EML5: variants seen among roughly 807,000 people sequenced by gnomAD.
EML5 encodes the protein EMAP like 5.
Under a neutral mutation model 250.0 loss-of-function variants are expected in EML5, and 120 were observed. The ratio of observed to expected loss-of-function variants is 0.48; its 90% confidence interval spans 0.41 to 0.56. The LOEUF (loss-of-function observed/expected upper bound fraction) is 0.56, where lower values mean the gene tolerates loss of function less well. EML5 is among the 20% of genes least tolerant of loss of function. The pLI, the probability that EML5 is intolerant of heterozygous loss-of-function variation, is 0.00. For missense variants in EML5, 2,006 were observed against 2,437.6 expected, an observed-to-expected ratio of 0.82 and a Z score of 3.73; for synonymous variants, 771 against 806.5, an observed-to-expected ratio of 0.96 and a Z score of 0.75.
chr14:88,613,484 G>A lies in EML5; in HGVS notation c.*2334C>T, dbSNP rs996060630. 7 of 152,018 alleles carry A rather than the reference G, an allele frequency of 4.6e-5. No homozygotes were observed. Among genetic ancestry groups the A allele is most frequent in the Non-Finnish European group, 7.4e-5 (5 of 67,984 alleles). 9.4% of individuals were successfully genotyped at this position (152,018 alleles called of 1,614,324 possible). On this transcript the variant is annotated 3_prime_UTR_variant, in exon 44 of 44. Transcript: ENST00000554922. ...TTAATTTAGTTCAGCCATTTTACAAGGAAATAATAAAATACTAAAATCTGA... is the reference window on the plus strand; with the variant it reads ...TTAATTTAGTTCAGCCATTTTACAAAGAAATAATAAAATACTAAAATCTGA...
intron 32 of EML5, among the ~76,000 whole-genome samples, chr14:88,635,613 T>C (rs924586548): frequency 6.6e-6 from 1 of 152,184 alleles, no homozygotes; most frequent in African/African-American, 2.4e-5. Context: ...CCTATAATGA[T>C]CTGGAAGGCA....
At chr14:88,694,044 A>T (rs981360748) in intron 17 of EML5, among the ~76,000 whole-genome samples, 1 of 151,156 alleles carries the variant, frequency 6.6e-6, no homozygotes, top group Non-Finnish European at 1.5e-5. Context: ...AAGTGCTGGG[A>T]TTATAGGCAT....
At chr14:88,642,869 G>T in intron 31 of EML5, 24 bp downstream of exon 31, 3 of 1,577,326 alleles carry the variant, frequency 1.9e-6, no homozygotes, top group Non-Finnish European at 2.6e-6. Flanking sequence ...ATTGATAGAG[G>T]GATGGAGAAT....
intron 10 of EML5, among the ~76,000 whole-genome samples, chr14:88,709,858 G>A (rs1022821929): frequency 3.3e-5 from 5 of 152,198 alleles, no homozygotes; most frequent in East Asian, 1.9e-4. Flanking sequence ...AAAGCTACAC[G>A]CAACAATATG....
intron 6 of EML5, among the ~76,000 whole-genome samples, chr14:88,738,337 T>G (rs1308473126): frequency 6.6e-6 from 1 of 151,928 alleles, no homozygotes; most frequent in Non-Finnish European, 1.5e-5. Flanking sequence ...GACTGGAATA[T>G]GGTTTAAACA....
chr14:88,739,134 A>T, intron 5 of EML5, 120 bp from the exon 6 acceptor site: 1 of 916,700 alleles, frequency 1.1e-6, no homozygotes, highest in Non-Finnish European at 1.6e-6. Flanking sequence ...GAATAAACAA[A>T]TACATCAGAA....
intron 7 of EML5, 150 bp from the exon 8 acceptor site, chr14:88,726,828 G>A: frequency 1.5e-6 from 1 of 666,040 alleles, no homozygotes; most frequent in South Asian, 2.6e-5. Flanking sequence ...TATGAAAATG[G>A]GAATTGTTCA....
intron 29 of EML5, 66 bp from the exon 30 acceptor site, chr14:88,644,577 A>G: frequency 6.9e-7 from 1 of 1,445,790 alleles, no homozygotes; most frequent in Non-Finnish European, 9.7e-7. Flanking sequence ...AGCCTCTCAC[A>G]CCATCCCTCC....
intron 42 of EML5, 28 bp from the exon 43 acceptor site, chr14:88,616,270 G>T: frequency 3.1e-6 from 5 of 1,603,682 alleles, no homozygotes; most frequent in Non-Finnish European, 4.3e-6. Flanking sequence ...ACAAGCTCAG[G>T]GCATTTGGTG....
chr14:88,701,514 T>TGAAAGAAAGGAAGAAGGAGAGG (rs1446902629), intron 14 of EML5, among the ~76,000 whole-genome samples: 2 of 150,676 alleles, frequency 1.3e-5, no homozygotes, highest in African/African-American at 2.4e-5. Context: ...TTTGAGTGAA[T>TGAAAGAAAGGAAGAAGGAGAGG]GAAAGAAAGG....
intron 19 of EML5, among the ~76,000 whole-genome samples, chr14:88,686,017 A>T (rs1178296638): frequency 6.6e-6 from 1 of 152,110 alleles, no homozygotes; most frequent in Admixed American, 6.6e-5. Flanking sequence ...GACTCAACTC[A>T]TACCCTTACA....
chr14:88,722,880 T>C (rs772244726), intron 8 of EML5, among the ~76,000 whole-genome samples: 15 of 152,198 alleles, frequency 9.9e-5, no homozygotes, highest in Non-Finnish European at 1.8e-4. Context: ...CTGCACATTC[T>C]GCACATGTAC....
chr14:88,615,176 C>G lies in EML5; in HGVS notation c.*642G>C, dbSNP rs1200612899. On this transcript the variant is annotated 3_prime_UTR_variant, in exon 44 of 44. Transcript: ENST00000554922. Reference sequence around the variant, plus strand: ...AAAATGAAAATGGAAATGTAGCAGCCATATACTGCTAACTTTGGATCTGTT... The same window carrying G: ...AAAATGAAAATGGAAATGTAGCAGCGATATACTGCTAACTTTGGATCTGTT... 6.6e-6 allele frequency: 1 copy of G among 152,130 alleles called. No homozygotes were observed. The highest frequency in any genetic ancestry group is 2.4e-5 in the African/African-American group (1 of 41,424). The allele number at this position is 152,130 out of a possible 1,614,324, so 9.4% of individuals were successfully genotyped here.
intron 8 of EML5, among the ~76,000 whole-genome samples, chr14:88,716,239 A>G (rs2093491171): frequency 6.6e-6 from 1 of 152,184 alleles, no homozygotes; most frequent in South Asian, 2.1e-4. Context: ...TAGTACTAGA[A>G]ATAGAAATAG....
At chr14:88,759,685 T>G (rs150289241) in intron 1 of EML5, among the ~76,000 whole-genome samples, 1 of 92,902 alleles carries the variant, frequency 1.1e-5, no homozygotes, top group Non-Finnish European at 1.9e-5. Context: ...CACCATCTCT[T>G]AAAAAAAAAA....
At chr14:88,708,890 T>C (rs1487880640) in intron 10 of EML5, among the ~76,000 whole-genome samples, 5 of 152,020 alleles carry the variant, frequency 3.3e-5, no homozygotes, top group African/African-American at 1.2e-4. Context: ...AGTACAAATA[T>C]CTCAGAGAAA....
chr14:88,750,910 A>G (rs987460495), intron 2 of EML5, among the ~76,000 whole-genome samples: 1 of 152,210 alleles, frequency 6.6e-6, no homozygotes, highest in Non-Finnish European at 1.5e-5. Context: ...AGACAAGTAT[A>G]TTAAGTGAGG....
At position 88,695,371 on chromosome 14, in the gene EML5, A is replaced by T. The variant is rs529950386; in HGVS notation, c.2428T>A (p.Ser810Thr). Residue 810 changes from serine to threonine, a missense_variant, in exon 16 of 44, where the codon TCA becomes ACA. This residue lies in a region of EML5 where 1,375 missense variants were observed against 1,590.3 expected (regional missense o/e 0.86). Coordinates refer to ENST00000554922, the MANE Select transcript of EML5 (RefSeq NM_183387.3). ...LWDWKKGEKL[S>T]IARGSKDKIF... Reference sequence around the variant, plus strand: ...AAGTTTTTTTCCTACCTTGCTATTGAAAGTTTCTCTCCTTTCTTCCAGTCC... The same window carrying T: ...AAGTTTTTTTCCTACCTTGCTATTGTAAGTTTCTCTCCTTTCTTCCAGTCC... The T allele has an allele frequency of 5.6e-6, 9 of 1,609,616 alleles. No individual in the cohort carries two copies. In the African/African-American group the frequency reaches 1.1e-4, roughly 19 times the overall value.
At chr14:88,738,810 T>C (rs2093883535) in intron 6 of EML5, 69 bp downstream of exon 6, 3 of 1,485,184 alleles carry the variant, frequency 2.0e-6, no homozygotes, top group Non-Finnish European at 2.7e-6. Flanking sequence ...TTATACTCAC[T>C]GAAAGAAAGA....
Sources: allele counts gnomAD v4.1 joint callset (sites outside exome capture counted in the v4.1 genomes callset), GRCh38; gene constraint gnomAD v4.1.1; regional missense constraint gnomAD v4.1.1; transcripts MANE v1.5; gene names NCBI Gene and HGNC (gene_info 2026-07-23, HGNC 2026-07-21).